HK1: variants seen among roughly 807,000 people sequenced by gnomAD.
HK1 encodes hexokinase 1.
In HK1, 28 loss-of-function variants were observed where a neutral mutation model predicts 91.6. The observed-to-expected ratio is 0.31, with a 90% CI of 0.23 to 0.42. The LOEUF is 0.42. Among genes scored for constraint, HK1 ranks in the 10% least tolerant of loss-of-function variants. The probability of loss-of-function intolerance (pLI) is 1.00; values close to 1 mark genes in which losing one functional copy is unlikely to be tolerated. For missense variants in HK1, 770 were observed against 1,219.8 expected, an observed-to-expected ratio of 0.63 and a Z score of 5.49; for synonymous variants, 430 against 468.1, an observed-to-expected ratio of 0.92 and a Z score of 1.05.
intron 3 of HK1, among the ~76,000 whole-genome samples, chr10:69,290,621 C>T (rs914005328): frequency 2.6e-5 from 4 of 152,194 alleles, no homozygotes; most frequent in Non-Finnish European, 5.9e-5. Flanking sequence ...GCCTCAGCCT[C>T]CCCAGTAGCC....
chr10:69,281,127 T>C (rs1322899031), intron 1 of HK1, among the ~76,000 whole-genome samples: 1 of 152,156 alleles, frequency 6.6e-6, no homozygotes, highest in Non-Finnish European at 1.5e-5. Context: ...TCCACATGAT[T>C]GTAGGCATCT....
chr10:69,306,549 A>T (rs1189098185), intron 5 of HK1, among the ~76,000 whole-genome samples: 1 of 152,120 alleles, frequency 6.6e-6, no homozygotes, highest in Non-Finnish European at 1.5e-5. Context: ...TGAAATGAGG[A>T]GGGTGGAGGA....
At position 69,373,694 on chromosome 10, in the gene HK1, G is replaced by A. The variant is rs113556773; in HGVS notation, c.876-3240G>A. On this transcript the variant is annotated intron_variant, in intron 7 of 17. Transcript: ENST00000359426. Reference sequence around the variant, plus strand: ...CAGCCTTAAACTCCCAGGCTTAGGTGATCCTCCTGCCTCAGCCTCCTGAGT... The same window carrying A: ...CAGCCTTAAACTCCCAGGCTTAGGTAATCCTCCTGCCTCAGCCTCCTGAGT... Among the ~76,000 whole-genome samples, 145 of 151,528 alleles carry A rather than the reference G, an allele frequency of 9.6e-4. 1 individual carries two copies. The highest frequency in any genetic ancestry group is 6.8e-3 in the Middle Eastern group (2 of 294).
intron 1 of HK1, among the ~76,000 whole-genome samples, chr10:69,341,256 A>C (rs1004011060): frequency 7.3e-5 from 11 of 150,780 alleles, no homozygotes; most frequent in Admixed American, 7.3e-4. Context: ...CTGCTTCCCC[A>C]GCTCAGGCAA....
chr10:69,319,321 G>A, intron 1 of HK1: 1 of 520,466 alleles, frequency 1.9e-6, no homozygotes, highest in Non-Finnish European at 3.5e-6. Context: ...GTGGCCGGTG[G>A]GCCCTTCCGC....
intron 2 of HK1, among the ~76,000 whole-genome samples, chr10:69,285,126 C>A (rs1409907132): frequency 6.6e-6 from 1 of 152,004 alleles, no homozygotes; most frequent in East Asian, 1.9e-4. Context: ...GCCGTGAGAT[C>A]CTATTCCTTA....
intron 3 of HK1, chr10:69,288,829 C>T: frequency 6.9e-7 from 1 of 1,449,336 alleles, no homozygotes; most frequent in Non-Finnish European, 9.7e-7. Context: ...TTCCATCGCC[C>T]AGGCTGGAGT....
chr10:69,344,709 G>A (rs1171321128), intron 2 of HK1, among the ~76,000 whole-genome samples: 1 of 152,188 alleles, frequency 6.6e-6, no homozygotes, highest in Non-Finnish European at 1.5e-5. Flanking sequence ...CTGGCTGAGC[G>A]GAGACTGAGA....
chr10:69,280,396 C>T (rs1042335020), intron 1 of HK1, among the ~76,000 whole-genome samples: 3 of 152,178 alleles, frequency 2.0e-5, no homozygotes, highest in Admixed American at 6.5e-5. Flanking sequence ...GGATTACAGG[C>T]GTGAGCCACC....
At chr10:69,270,269 C>T (rs1181463579) in intron 1 of HK1, among the ~76,000 whole-genome samples, 1 of 152,122 alleles carries the variant, frequency 6.6e-6, no homozygotes, top group Non-Finnish European at 1.5e-5. Context: ...CGCCACTGCA[C>T]CCAGCTGACT....
At position 69,277,333 on chromosome 10, in the gene HK1, T is replaced by G. The variant is rs536989578; in HGVS notation, c.-390-5196T>G. Among the ~76,000 whole-genome samples, 50 of 152,242 alleles carry G rather than the reference T, an allele frequency of 3.3e-4. 1 individual carries two copies. In the East Asian group the frequency reaches 7.0e-3, roughly 21 times the overall value. ...CTATAATCCTGGCACTTTGGGAGGC[T>G]GAGGCACGAGGATTGCTTAAGGCCA... On this transcript the variant is annotated intron_variant, in intron 1 of 21. Transcript: ENST00000360289.
chr10:69,302,493 G>A (rs1845926351), intron 5 of HK1, among the ~76,000 whole-genome samples: 1 of 149,444 alleles, frequency 6.7e-6, no homozygotes, highest in Non-Finnish European at 1.5e-5. Flanking sequence ...TCCTGCCTCA[G>A]CCTCCCAGGT....
In HK1 at chr10:69,297,808, A is replaced by G. The variant is rs571695552; in HGVS notation, c.-67+2128A>G. ...CTACTTGGGAGGCTGAGGCACGAGA[A>G]TCGCTTGAACCTGGGAGGCGGAGGT... On this transcript the variant is annotated intron_variant, in intron 4 of 21. Coordinates refer to the HK1 transcript ENST00000360289. Among the ~76,000 whole-genome samples the G allele has an allele frequency of 1.4e-4, 21 of 151,310 alleles. 1 individual carries two copies. Among genetic ancestry groups the G allele is most frequent in the Admixed American group, 9.9e-4 (15 of 15,192 alleles).
At chr10:69,309,038 G>A (rs1254315724) in intron 5 of HK1, among the ~76,000 whole-genome samples, 1 of 152,146 alleles carries the variant, frequency 6.6e-6, no homozygotes, top group East Asian at 1.9e-4. Context: ...GTCTGGCATG[G>A]TGGCTCATGA....
Position 69,389,306 on chromosome 10 carries a change from C to A in HK1, c.2035+10C>A. On this transcript the variant is annotated intron_variant, in intron 14 of 17. Transcript: ENST00000359426. ...GTTGGACTCATTGTTGGTGAGTGTCCTGGAAGGTCTCTTTCCCTGCAGAAG... is the reference window on the plus strand; with the variant it reads ...GTTGGACTCATTGTTGGTGAGTGTCATGGAAGGTCTCTTTCCCTGCAGAAG... 2 of 1,588,428 alleles carry A rather than the reference C, an allele frequency of 1.3e-6. No individual in the cohort carries two copies. Among genetic ancestry groups the A allele is most frequent in the Non-Finnish European group, 1.7e-6 (2 of 1,162,280 alleles).
At chr10:69,292,105 C>T (rs1845319700) in intron 3 of HK1, among the ~76,000 whole-genome samples, 1 of 152,136 alleles carries the variant, frequency 6.6e-6, no homozygotes. Context: ...GGATATTGCC[C>T]TGTCACCCAG....
intron 2 of HK1, among the ~76,000 whole-genome samples, chr10:69,345,099 G>A (rs1298988805): frequency 6.6e-6 from 1 of 152,174 alleles, no homozygotes; most frequent in African/African-American, 2.4e-5. Context: ...GCAAGTGGGA[G>A]TAGGCTGGTT....
Position 69,376,635 on chromosome 10 carries a change from A to G in HK1, c.876-299A>G, listed in dbSNP as rs10128513. ...ATCTGGGGCCTTCTTGACATCTGCA[A>G]TCTAAATCCAAACGCTCCCCCTGCC... On this transcript the variant is annotated intron_variant, in intron 7 of 17. Transcript: ENST00000359426. Among the ~76,000 whole-genome samples, 9,721 of 152,262 alleles carry G rather than the reference A, an allele frequency of 0.064. 722 individuals are homozygous for G. Among genetic ancestry groups the G allele is most frequent in the African/African-American group, 0.18 (7,402 of 41,520 alleles).
chr10:69,368,738 TG>T, intron 5 of HK1, 107 bp downstream of exon 5: 6 of 846,192 alleles, frequency 7.1e-6, no homozygotes, highest in Non-Finnish European at 1.2e-5. Flanking sequence ...TGCCAAAGCC[TG>T]AAGACCCAGG....
Sources: allele counts gnomAD v4.1 joint callset (sites outside exome capture counted in the v4.1 genomes callset), GRCh38; gene constraint gnomAD v4.1.1; transcripts MANE v1.5; gene names NCBI Gene and HGNC (gene_info 2026-07-23, HGNC 2026-07-21).